ZC3H12B: variants seen among roughly 807,000 people sequenced by gnomAD.
ZC3H12B encodes probable ribonuclease ZC3H12B.
Under a neutral mutation model 43.9 loss-of-function variants are expected in ZC3H12B, and 7 were observed. The observed-to-expected ratio is 0.16, with a 90% CI of 0.09 to 0.30. The LOEUF is 0.30. ZC3H12B is among the 10% of genes least tolerant of loss of function. ZC3H12B has a pLI of 1.00. For synonymous variants in ZC3H12B, 222 were observed against 241.7 expected (o/e 0.92, Z 0.76); for missense variants, 475 against 670.2 (o/e 0.71, Z 3.22).
chrX:65,155,327 A>AT, the ZC3H12B span, among the ~76,000 whole-genome samples: 1 of 110,215 alleles, frequency 9.1e-6, no homozygotes, highest in Non-Finnish European at 1.9e-5. Flanking sequence ...TGTATCTCTT[A>AT]GAGCGATCAC....
intron 3 of ZC3H12B, among the ~76,000 whole-genome samples, chrX:65,411,982 CTTA>C (rs1477589822): frequency 9.1e-6 from 1 of 110,121 alleles, no homozygotes; most frequent in Non-Finnish European, 1.9e-5. Flanking sequence ...TCAAAATTAA[CTTA>C]TTGAGGTGAA....
intron 2 of ZC3H12B, among the ~76,000 whole-genome samples, chrX:65,379,188 C>T (rs1048303768): frequency 2.9e-4 from 32 of 111,898 alleles, no homozygotes; most frequent in Non-Finnish European, 5.6e-4. Context: ...CAGTAACCTC[C>T]GCAGACTTAA....
chrX:65,462,146 A>G (rs2067758705), intron 3 of ZC3H12B, among the ~76,000 whole-genome samples: 1 of 111,593 alleles, frequency 9.0e-6, no homozygotes, highest in Non-Finnish European at 1.9e-5. Flanking sequence ...AAAATATAAT[A>G]AAATGCCACC....
chrX:65,173,801 A>T, the ZC3H12B span, among the ~76,000 whole-genome samples: 13 of 111,246 alleles, frequency 1.2e-4, no homozygotes, highest in East Asian at 3.7e-3. Context: ...AAGCTTTTTG[A>T]TGTGCTGCTG....
intron 3 of ZC3H12B, among the ~76,000 whole-genome samples, chrX:65,411,157 A>G (rs1212139533): frequency 8.9e-6 from 1 of 112,358 alleles, no homozygotes; most frequent in Non-Finnish European, 1.9e-5. Context: ...TTACAATAAC[A>G]TGTATGGAAC....
At chrX:65,237,268 G>C in the ZC3H12B span, among the ~76,000 whole-genome samples, 8 of 110,846 alleles carry the variant, frequency 7.2e-5, no homozygotes, top group Non-Finnish European at 1.1e-4. Context: ...TGTTTGTTTT[G>C]AAGAGGTCCT....
At chrX:65,131,051 G>T in the ZC3H12B span, among the ~76,000 whole-genome samples, 11 of 111,989 alleles carry the variant, frequency 9.8e-5, no homozygotes, top group Non-Finnish European at 1.5e-4. Context: ...CCATATAACA[G>T]CACAGTGGTG....
the ZC3H12B span, among the ~76,000 whole-genome samples, chrX:65,221,364 G>A: frequency 2.7e-4 from 30 of 111,132 alleles, no homozygotes; most frequent in African/African-American, 8.4e-4. Context: ...AAGTGAAATC[G>A]AAACAAACAA....
chrX:65,506,279 A>C lies in ZC3H12B; in HGVS notation c.*3070A>C, dbSNP rs759495129. 158 of 112,742 alleles carry C rather than the reference A, an allele frequency of 1.4e-3. 1 individual carries two copies. Among genetic ancestry groups the C allele is most frequent in the African/African-American group, 5.0e-3 (155 of 31,109 alleles). The allele number at this position is 112,742 out of a possible 1,213,427, so 9.3% of individuals were successfully genotyped here. On this transcript the variant is annotated 3_prime_UTR_variant, in exon 5 of 5. Transcript: ENST00000338957. ...AAAGGGATTTTGTGTAAAAAGTGTC[A>C]GTGTTAGTGACTCATCTGCAAGAAT...
At chrX:65,153,911 T>A in the ZC3H12B span, among the ~76,000 whole-genome samples, 2 of 110,728 alleles carry the variant, frequency 1.8e-5, no homozygotes, top group African/African-American at 6.6e-5. Context: ...TAAAAAATGA[T>A]GAGTTCATGT....
At chrX:65,252,093 A>G in the ZC3H12B span, among the ~76,000 whole-genome samples, 1 of 111,771 alleles carries the variant, frequency 8.9e-6, no homozygotes. Flanking sequence ...AGATCTTATT[A>G]TTTTGAGATA....
At chrX:65,088,006 A>G in the ZC3H12B span, among the ~76,000 whole-genome samples, 1 of 111,843 alleles carries the variant, frequency 8.9e-6, no homozygotes, top group African/African-American at 3.3e-5. Flanking sequence ...GCACTTAGTA[A>G]TGATGTAAAA....
chrX:65,344,351 T>C, the ZC3H12B span, among the ~76,000 whole-genome samples: 21 of 111,710 alleles, frequency 1.9e-4, no homozygotes, highest in Admixed American at 2.0e-3. Context: ...CAAAACAGAA[T>C]GGTACTGGTA....
chrX:65,350,752 C>A, the ZC3H12B span, among the ~76,000 whole-genome samples: 1 of 111,559 alleles, frequency 9.0e-6, no homozygotes, highest in Non-Finnish European at 1.9e-5. Flanking sequence ...CATAGGAATA[C>A]AACTTACAAG....
chrX:65,177,090 C>T, the ZC3H12B span, among the ~76,000 whole-genome samples: 24 of 112,249 alleles, frequency 2.1e-4, no homozygotes, highest in East Asian at 1.4e-3. Flanking sequence ...ATGATCAAGT[C>T]GGCTTTATTG....
chrX:65,412,498 C>G (rs917584068), intron 3 of ZC3H12B, among the ~76,000 whole-genome samples: 1 of 111,474 alleles, frequency 9.0e-6, no homozygotes, highest in Non-Finnish European at 1.9e-5. Context: ...GGGTTTCACT[C>G]GCCCTGTTCC....
At chrX:65,180,792 G>C in the ZC3H12B span, among the ~76,000 whole-genome samples, 1 of 108,651 alleles carries the variant, frequency 9.2e-6, no homozygotes, top group East Asian at 2.9e-4. Flanking sequence ...AAAAAATTTA[G>C]GAAGAATCAA....
the ZC3H12B span, among the ~76,000 whole-genome samples, chrX:65,321,197 C>CA: frequency 0.14 from 15,595 of 108,884 alleles, 2,729 homozygotes; most frequent in African/African-American, 0.49. Flanking sequence ...GGATGTACAA[C>CA]AAAAAAAACT....
chrX:65,384,618 G>A (rs1043925715), intron 2 of ZC3H12B, among the ~76,000 whole-genome samples: 22 of 110,918 alleles, frequency 2.0e-4, no homozygotes, highest in Non-Finnish European at 4.0e-4. Flanking sequence ...AAAATGGCAG[G>A]AGTAATTCTT....
Sources: allele counts gnomAD v4.1 joint callset (sites outside exome capture counted in the v4.1 genomes callset), GRCh38; gene constraint gnomAD v4.1.1; transcripts MANE v1.5; gene names NCBI Gene and HGNC (gene_info 2026-07-23, HGNC 2026-07-21).